Variants in FBRS observed in about 807,000 individuals in gnomAD.
The protein encoded by FBRS is probable fibrosin-1.
In FBRS, 15 loss-of-function variants were observed where a neutral mutation model predicts 86.1. That is an observed-to-expected ratio of 0.17 (90% CI 0.12 to 0.27). FBRS has a LOEUF of 0.27. Ranked by LOEUF, FBRS falls within the 10% of genes least tolerant of loss-of-function variation. The pLI, the probability that FBRS is intolerant of heterozygous loss-of-function variation, is 1.00. For missense variants in FBRS, 1,367 were observed against 1,301.6 expected (o/e 1.05, Z -0.77); for synonymous variants, 666 against 575.8 (o/e 1.16, Z -2.24).
rs369647799 is a variant in FBRS, at chr16:30,666,790, C to T, written c.1804-129C>T. 67 of 1,163,884 alleles carry T rather than the reference C, an allele frequency of 5.8e-5. 1 individual carries two copies. The highest frequency in any genetic ancestry group is 4.3e-4 in the East Asian group (17 of 39,126). The allele number at this position is 1,163,884 out of a possible 1,614,324, so 72.1% of individuals were successfully genotyped here. ...TAGGCTGTAAAATGAACCTAGTCAT[C>T]CCTTGGTTGTAGGAATGATGAGTAG... On this transcript the variant is annotated intron_variant, in intron 12 of 17. Transcript: ENST00000356166.
chr16:30,661,680 A>T (rs551893232), intron 4 of FBRS, among the ~76,000 whole-genome samples: 1 of 152,300 alleles, frequency 6.6e-6, no homozygotes, highest in South Asian at 2.1e-4. Context: ...TCTAGATTCA[A>T]GTCTGAGCAG....
chr16:30,666,704 C>T (rs753681896), intron 12 of FBRS, among the ~76,000 whole-genome samples, 163 bp downstream of exon 12: 2 of 152,204 alleles, frequency 1.3e-5, no homozygotes, highest in Middle Eastern at 3.4e-3. Context: ...GACCTGGGCT[C>T]GGATGGAACT....
At chr16:30,667,109 C>T (rs1331931340) in intron 13 of FBRS, 119 bp downstream of exon 13, 10 of 1,093,526 alleles carry the variant, frequency 9.1e-6, no homozygotes, top group Non-Finnish European at 1.4e-5. Context: ...TCTCCTGTCC[C>T]CCATCACTGC....
chr16:30,667,723 T>C, intron 15 of FBRS, 101 bp downstream of exon 15: 1 of 1,074,458 alleles, frequency 9.3e-7, no homozygotes. Context: ...ATAGACCTGG[T>C]TCCACTTGCT....
rs2972810 is a variant in FBRS at position 30,659,566 on chromosome 16, G to A, written c.48G>A (p.Glu16=). 0.024 allele frequency: 8,111 copies of A among 334,432 alleles called. 577 individuals are homozygous for A. Among genetic ancestry groups the A allele is most frequent in the African/African-American group, 0.16 (7,504 of 45,978 alleles). 20.7% of individuals were successfully genotyped at this position (334,432 alleles called of 1,614,324 possible). ...CCCCGGGTCCGGGCTGGGCAGCAGA[G>A]GGGGAGCGCCGACGGCGGCGCTGCT... The part of the protein sequence containing the change: ...AAAPGPGWAA[E]GERRRRRCSR... Residue 16 remains glutamate (E), a synonymous_variant, in exon 1 of 18, where the codon GAG becomes GAA. Coordinates refer to ENST00000356166, the MANE Select transcript of FBRS (RefSeq NM_001105079.3).
chr16:30,667,448 C>T lies in FBRS; in HGVS notation c.1993+11C>T, dbSNP rs1204834483. 4 of 1,531,268 alleles carry T rather than the reference C, an allele frequency of 2.6e-6. No individual in the cohort carries two copies. Among genetic ancestry groups the T allele is most frequent in the Non-Finnish European group, 1.8e-6 (2 of 1,133,910 alleles). 94.9% of individuals were successfully genotyped at this position (1,531,268 alleles called of 1,614,324 possible). A position where few individuals can be genotyped will look rare whatever the true frequency, so the allele number is the denominator to read the frequency against. ...TCTTCACTGCGACTGGTGAGTCTGG[C>T]CAGCCCCCTCGGGCCTGAGGTTCCC... is the stretch of plus-strand genomic sequence containing the variant. On this transcript the variant is annotated intron_variant, in intron 14 of 17. Coordinates refer to ENST00000356166, the MANE Select transcript of FBRS (RefSeq NM_001105079.3).
At chr16:30,668,741 C>T in intron 16 of FBRS, 31 bp from the exon 17 acceptor site, 2 of 1,589,550 alleles carry the variant, frequency 1.3e-6, no homozygotes, top group East Asian at 2.2e-5. Flanking sequence ...ACTTCTGGCC[C>T]CTGTCACTCT....
chr16:30,662,782 CCAGCTG>C lies in FBRS; in HGVS notation c.984_989del (p.Gln329_Leu330del), dbSNP rs1297040140. ...CCAGTCTGCCACCCCCACCCCAGCC[CCAGCTG>C]CAGCTTCGGGTCTCACCCTTCGGCC... On this transcript the variant is annotated inframe_deletion, in exon 6 of 18. Coordinates refer to ENST00000356166, the MANE Select transcript of FBRS (RefSeq NM_001105079.3). The C allele has an allele frequency of 3.3e-6, 5 of 1,502,058 alleles. No individual in the cohort carries two copies. Among genetic ancestry groups the C allele is most frequent in the East Asian group, 5.0e-5 (2 of 40,376 alleles). 93.0% of individuals were successfully genotyped at this position (1,502,058 alleles called of 1,614,324 possible).
intron 6 of FBRS, chr16:30,663,175 C>G (rs1294571161): frequency 7.0e-6 from 2 of 284,318 alleles, no homozygotes; most frequent in African/African-American, 2.2e-5. Context: ...AGAGCGCTGG[C>G]TTTGGTGTCA....
Position 30,665,611 on chromosome 16 carries a change from T to A in FBRS, c.1705-27T>A. Reference sequence around the variant, plus strand: ...TTTGTGCTTGGTGCCAGCTCTCCTGTCTGATCCCTCCACTCCCCTTTCCCA... The same window carrying A: ...TTTGTGCTTGGTGCCAGCTCTCCTGACTGATCCCTCCACTCCCCTTTCCCA... On this transcript the variant is annotated intron_variant, in intron 10 of 17. Coordinates refer to ENST00000356166, the MANE Select transcript of FBRS (RefSeq NM_001105079.3). This position sits in a 1 kb window ranked among gnomAD's most constrained non-coding sequence, Gnocchi z 4.1. 6.4e-7 allele frequency: 1 copy of A among 1,567,834 alleles called. No homozygotes were observed. Among genetic ancestry groups the A allele is most frequent in the Non-Finnish European group, 8.6e-7 (1 of 1,156,278 alleles).
chr16:30,668,568 G>A lies in FBRS; in HGVS notation c.2083G>A (p.Gly695Arg). Residue 695 changes from glycine to arginine, a missense_variant, in exon 16 of 18, where the codon GGG (glycine) becomes AGG (arginine). Physicochemically the swap from Gly to Arg is moderately radical, Grantham distance 125. Transcript: ENST00000356166. The part of the protein sequence containing the change: ...LSPSTHIDPF[G>R]RPTSFASLAA... ...CCCCTTTCCTCCCACAGATCCCTTT[G>A]GGCGTCCCACAAGCTTCGCCTCTTT... The A allele has an allele frequency of 6.2e-7, 1 of 1,611,902 alleles. No homozygotes were observed. Among genetic ancestry groups the A allele is most frequent in the Non-Finnish European group, 8.5e-7 (1 of 1,178,798 alleles).
chr16:30,660,464 C>T (rs979629438), intron 2 of FBRS, 22 bp downstream of exon 2: 8 of 1,256,508 alleles, frequency 6.4e-6, no homozygotes, highest in Non-Finnish European at 8.1e-6. Flanking sequence ...CCTTAAAACT[C>T]TTTAGGCAGA....
chr16:30,664,490 G>A lies in FBRS; in HGVS notation c.1331G>A (p.Gly444Glu). The A allele has an allele frequency of 7.1e-7, 1 of 1,408,274 alleles. No homozygotes were observed. The highest frequency in any genetic ancestry group is 1.5e-5 in the South Asian group (1 of 65,052). 87.2% of individuals were successfully genotyped at this position (1,408,274 alleles called of 1,614,324 possible). A position where few individuals can be genotyped will look rare whatever the true frequency, so the allele number is the denominator to read the frequency against. Reference protein sequence around the residue: ...PPLLQVPGHPGASAANALSEQ... With the variant: ...PPLLQVPGHPEASAANALSEQ... ...CTGCTGCAGGTGCCAGGGCACCCTGGGGCCTCAGCCGCTAACGCCCTTTCT... is the reference window on the plus strand; with the variant it reads ...CTGCTGCAGGTGCCAGGGCACCCTGAGGCCTCAGCCGCTAACGCCCTTTCT... Residue 444 changes from glycine (G) to glutamate (E), a missense_variant, in exon 7 of 18, where the codon GGG becomes GAG. Around this residue, in one of 3 missense-constraint regions of FBRS, gnomAD observed 702 missense variants for 598.7 expected, o/e 1.17. Coordinates refer to ENST00000356166, the MANE Select transcript of FBRS (RefSeq NM_001105079.3).
rs1048647641 is a variant in FBRS, at chr16:30,659,371, G to C, written c.-148G>C. The C allele has an allele frequency of 5.0e-6, 1 of 198,704 alleles. No individual in the cohort carries two copies. Among genetic ancestry groups the C allele is most frequent in the Admixed American group, 6.0e-5 (1 of 16,660 alleles). The allele number at this position is 198,704 out of a possible 1,614,324, so 12.3% of individuals were successfully genotyped here. ...TCCCCGGGCCGTGGCCTTGGGGCAA[G>C]CTCGGGGCCAGCAGATCCGGCTTTA... is the stretch of plus-strand genomic sequence containing the variant. On this transcript the variant is annotated 5_prime_UTR_variant, in exon 1 of 18. Coordinates refer to ENST00000356166, the MANE Select transcript of FBRS (RefSeq NM_001105079.3).
chr16:30,668,713 G>T, intron 16 of FBRS, 59 bp from the exon 17 acceptor site: 1 of 1,585,166 alleles, frequency 6.3e-7, no homozygotes, highest in Non-Finnish European at 8.6e-7. Context: ...CTGGGAGGAG[G>T]CCTGAACAGG....
In FBRS at chr16:30,669,817, A is replaced by G. The variant is rs577937634; in HGVS notation, c.*172A>G. 2.4e-6 allele frequency: 2 copies of G among 824,878 alleles called. No individual in the cohort carries two copies. The highest frequency in any genetic ancestry group is 1.7e-5 in the African/African-American group (1 of 57,990). 51.1% of individuals were successfully genotyped at this position (824,878 alleles called of 1,614,324 possible). A position where few individuals can be genotyped will look rare whatever the true frequency, so the allele number is the denominator to read the frequency against. ...CAACCCCCACAAGACCAAGCATCAC[A>G]TGGAGTGTAGGGTCACTGGGAGAGC... On this transcript the variant is annotated 3_prime_UTR_variant, in exon 18 of 18. Transcript: ENST00000356166. The surrounding 1 kb of genome is among the most constrained non-coding windows in gnomAD (Gnocchi z 5.9).
chr16:30,660,016 GAGGGGCAGCAAGGA>G (rs2052437718), intron 1 of FBRS, 39 bp downstream of exon 1: 1 of 1,539,872 alleles, frequency 6.5e-7, no homozygotes, highest in Admixed American at 2.0e-5. Flanking sequence ...GGGGGTTTCC[GAGGGGCAGCAAGGA>G]GGGGGCAGTG....
Position 30,662,792 on chromosome 16 carries a change from C to T in FBRS, c.988C>T (p.Leu330Phe). 1 of 1,495,292 alleles carries T rather than the reference C, an allele frequency of 6.7e-7. No homozygotes were observed. Among genetic ancestry groups the T allele is most frequent in the Non-Finnish European group, 9.0e-7 (1 of 1,117,108 alleles). The allele number at this position is 1,495,292 out of a possible 1,614,324, so 92.6% of individuals were successfully genotyped here. ...ACCCCCACCCCAGCCCCAGCTGCAGCTTCGGGTCTCACCCTTCGGCCTCCG... is the reference window on the plus strand; with the variant it reads ...ACCCCCACCCCAGCCCCAGCTGCAGTTTCGGGTCTCACCCTTCGGCCTCCG... Reference protein sequence around the residue: ...LPPPPQPQLQLRVSPFGLRTS... With the variant: ...LPPPPQPQLQFRVSPFGLRTS... The change falls in exon 6 of 18, where the codon CTT becomes TTT. Residue 330 changes from leucine (L) to phenylalanine (F), a missense_variant. This residue lies in a region of FBRS where 702 missense variants were observed against 598.7 expected (regional missense o/e 1.17). Coordinates refer to ENST00000356166, the MANE Select transcript of FBRS (RefSeq NM_001105079.3).
chr16:30,666,517 C>G lies in FBRS; in HGVS notation c.1779C>G (p.Pro593=). The G allele has an allele frequency of 6.2e-7, 1 of 1,614,020 alleles. No homozygotes were observed. The highest frequency in any genetic ancestry group is 8.5e-7 in the Non-Finnish European group (1 of 1,179,900). The change falls in exon 12 of 18, where the codon CCC becomes CCG. Residue 593 remains proline, a synonymous_variant. Coordinates refer to ENST00000356166, the MANE Select transcript of FBRS (RefSeq NM_001105079.3). Reference sequence around the variant, plus strand: ...CTCTCCTTTGCCATCCCCAGATCCCCGACCATTTCCGGCCACCTTTGAGGG... The same window carrying G: ...CTCTCCTTTGCCATCCCCAGATCCCGGACCATTTCCGGCCACCTTTGAGGG... ...SGLSQKGTQI[P]DHFRPPLRKP...
Sources: gnomAD v4.1 joint callset for allele counts (sites outside exome capture counted in the v4.1 genomes callset) on GRCh38, gnomAD v4.1.1 for gene constraint, gnomAD v4.1.1 regional missense constraint, Gnocchi (gnomAD v3.1) non-coding constraint, MANE v1.5 for transcripts, NCBI Gene and HGNC (gene_info 2026-07-23, HGNC 2026-07-21) for gene names.